The following HOXB2 variants were observed in gnomAD, a reference collection of about 807,000 sequenced individuals.
The protein encoded by HOXB2 is homeobox B2.
Under a neutral mutation model 13.1 loss-of-function variants are expected in HOXB2, and 14 were observed. The ratio of observed to expected loss-of-function variants is 1.07; its 90% CI spans 0.71 to 1.67. The LOEUF is 1.67. Among genes scored for constraint, HOXB2 ranks in the 40% most tolerant of loss-of-function variants. HOXB2 has a pLI of 0.00. For missense variants in HOXB2, 582 were observed against 488.3 expected, an observed-to-expected ratio of 1.19 and a Z score of -1.81; for synonymous variants, 261 against 233.1, an observed-to-expected ratio of 1.12 and a Z score of -1.09.
Position 48,543,062 on chromosome 17 carries a change from A to C in HOXB2, c.*6T>G. 1 of 1,573,822 alleles carries C rather than the reference A, an allele frequency of 6.4e-7. No individual in the cohort carries two copies. The highest frequency in any genetic ancestry group is 8.6e-7 in the Non-Finnish European group (1 of 1,160,914). On this transcript the variant is annotated 3_prime_UTR_variant, in exon 2 of 2. Transcript: ENST00000330070. ...GGGGTCGAAAGGACCGGGAGGAGGA[A>C]ACAGGTTAGGGAAACTGCAGGTCGA...
At position 48,543,545 on chromosome 17, in the gene HOXB2, G is replaced by A; in HGVS notation, c.594C>T (p.His198=). The change falls in exon 2 of 2, where the codon CAC becomes CAT. Residue 198 remains histidine (H), a synonymous_variant. Transcript: ENST00000330070. ...GCTCTCGGTGCTGCGTCTGCCGCTT[G>A]TGCTTCATGCGCCGGTTCTGAAACC... ...KVWFQNRRMK[H]KRQTQHREPP... is the part of the protein sequence containing the mutation. 6.2e-7 allele frequency: 1 copy of A among 1,613,080 alleles called. No individual in the cohort carries two copies. Among genetic ancestry groups the A allele is most frequent in the Non-Finnish European group, 8.5e-7 (1 of 1,179,976 alleles).
Position 48,543,102 on chromosome 17 carries a change from C to G in HOXB2, c.1037G>C (p.Ser346Thr). 6.2e-7 allele frequency: 1 copy of G among 1,612,544 alleles called. No individual in the cohort carries two copies. The highest frequency in any genetic ancestry group is 8.5e-7 in the Non-Finnish European group (1 of 1,179,564). Reference protein sequence around the residue: ...FSEEELDFFTSTLCAIDLQFP With the variant: ...FSEEELDFFTTTLCAIDLQFP ...CTGCAGGTCGATGGCACAGAGCGTA[C>G]TGGTGAAAAAATCCAGCTCTTCCTC... The change falls in exon 2 of 2, where the codon AGT becomes ACT. Residue 346 changes from serine to threonine, a missense_variant. Ser to Thr is a moderately conservative substitution (Grantham distance 58). Transcript: ENST00000330070.
chr17:48,544,340 A>C, intron 1 of HOXB2, 181 bp downstream of exon 1: 1 of 1,404,310 alleles, frequency 7.1e-7, no homozygotes, highest in Non-Finnish European at 9.2e-7. Flanking sequence ...ACAGAAAAAA[A>C]AAAAGACGCT....
Position 48,544,940 on chromosome 17 carries a change from T to TGGGGGGGGGGGGGGCGGCG in HOXB2, c.-30_-29insCGCCGCCCCCCCCCCCCCC. The stretch of plus-strand genomic sequence containing the variant: ...TTTCAATGGTGGGGGAGGGGGCTGC[T>TGGGGGGGGGGGGGGCGGCG]GGGGGGGGCGTCAGGAGGGAGGATC... On this transcript the variant is annotated 5_prime_UTR_variant, in exon 1 of 2. Transcript: ENST00000330070. 1 of 271,666 alleles carries TGGGGGGGGGGGGGGCGGCG rather than the reference T, an allele frequency of 3.7e-6. No individual in the cohort carries two copies. Among genetic ancestry groups the TGGGGGGGGGGGGGGCGGCG allele is most frequent in the Non-Finnish European group, 5.9e-6 (1 of 170,468 alleles). 16.8% of individuals were successfully genotyped at this position (271,666 alleles called of 1,614,324 possible). A position where few individuals can be genotyped will look rare whatever the true frequency, so the allele number is the denominator to read the frequency against.
chr17:48,544,650 C>T lies in HOXB2; in HGVS notation c.262G>A (p.Ala88Thr). The T allele has an allele frequency of 6.2e-7, 1 of 1,611,358 alleles. No individual in the cohort carries two copies. The highest frequency in any genetic ancestry group is 8.5e-7 in the Non-Finnish European group (1 of 1,179,264). ...GGGAACTCGGGGGCCGGGGGGGCAG[C>T]GGGGAGTGGCGGCGGCGGTGGCGGC... is the stretch of plus-strand genomic sequence containing the variant. The part of the protein sequence containing the change: ...LPPPPPPPLP[A>T]APPAPEFPWM... The change falls in exon 1 of 2, where the codon GCT (alanine) becomes ACT (threonine). Residue 88 changes from alanine to threonine, a missense_variant. Physicochemically the swap from Ala to Thr is moderately conservative, Grantham distance 58. Coordinates refer to ENST00000330070, the MANE Select transcript of HOXB2 (RefSeq NM_002145.4).
intron 1 of HOXB2, chr17:48,544,010 C>T: frequency 1.6e-6 from 2 of 1,268,636 alleles, no homozygotes; most frequent in Non-Finnish European, 9.9e-7. Context: ...CCTTCGGCGC[C>T]GGAACCTCAG....
Position 48,544,977 on chromosome 17 carries a change from C to CG in HOXB2, c.-67_-66insC, listed in dbSNP as rs979267693. The CG allele has an allele frequency of 2.4e-6, 3 of 1,254,842 alleles. No homozygotes were observed. In the African/African-American group the frequency reaches 4.6e-5, roughly 19 times the overall value. The allele number at this position is 1,254,842 out of a possible 1,614,324, so 77.7% of individuals were successfully genotyped here. On this transcript the variant is annotated 5_prime_UTR_variant, in exon 1 of 2. Transcript: ENST00000330070. ...CAGGAGGGAGGATCGGAAGGGACCC[C>CG]CCTCCTGCACCCCCCCCGATTTATG...
Position 48,544,949 on chromosome 17 carries a change from C to A in HOXB2, c.-38G>T. 7.6e-7 allele frequency: 1 copy of A among 1,316,516 alleles called. No individual in the cohort carries two copies. Among genetic ancestry groups the A allele is most frequent in the Non-Finnish European group, 1.0e-6 (1 of 991,842 alleles). The allele number at this position is 1,316,516 out of a possible 1,614,324, so 81.6% of individuals were successfully genotyped here. A position where few individuals can be genotyped will look rare whatever the true frequency, so the allele number is the denominator to read the frequency against. ...TGGGGGAGGGGGCTGCTGGGGGGGG[C>A]GTCAGGAGGGAGGATCGGAAGGGAC... On this transcript the variant is annotated 5_prime_UTR_variant, in exon 1 of 2. Transcript: ENST00000330070.
In HOXB2 at chr17:48,543,455, G is replaced by A. The variant is rs1296746386; in HGVS notation, c.684C>T (p.Pro228=). 1 of 1,605,944 alleles carries A rather than the reference G, an allele frequency of 6.2e-7. No individual in the cohort carries two copies. Among genetic ancestry groups the A allele is most frequent in the Non-Finnish European group, 8.5e-7 (1 of 1,177,442 alleles). Residue 228 remains proline (P), a synonymous_variant, in exon 2 of 2, where the codon CCC becomes CCT. Transcript: ENST00000330070. ...CGGAGGGGCCGCCCGGGCTGGCCGCGGGTTCCTCGGCAGGGTCGCAGATGT... is the reference window on the plus strand; with the variant it reads ...CGGAGGGGCCGCCCGGGCTGGCCGCAGGTTCCTCGGCAGGGTCGCAGATGT... ...LEDICDPAEE[P]AASPGGPSAS...
At position 48,542,857 on chromosome 17, in the gene HOXB2, A is replaced by C; in HGVS notation, c.*211T>G. The C allele has an allele frequency of 7.3e-6, 3 of 412,210 alleles. No individual in the cohort carries two copies. The highest frequency in any genetic ancestry group is 1.3e-5 in the Non-Finnish European group (3 of 234,702). The allele number at this position is 412,210 out of a possible 1,614,324, so 25.5% of individuals were successfully genotyped here. The stretch of plus-strand genomic sequence containing the variant: ...GAGATTTCATTGGAAGGAGTCTACC[A>C]AACGGAATTTTTCTGTGTGAATTTT... On this transcript the variant is annotated 3_prime_UTR_variant, in exon 2 of 2. Coordinates refer to ENST00000330070, the MANE Select transcript of HOXB2 (RefSeq NM_002145.4).
Position 48,544,891 on chromosome 17 carries a change from CCT to C in HOXB2, c.19_20del (p.Arg7GlyfsTer158), listed in dbSNP as rs779540329. The C allele has an allele frequency of 1.2e-6, 2 of 1,606,198 alleles. No homozygotes were observed. The highest frequency in any genetic ancestry group is 4.5e-5 in the East Asian group (2 of 44,186). MNFEFEREIGFINSQPS... is the reference protein window; with the variant it reads MNFEFEXEIGFINSQPS... ...GCTGGCTGTTTATAAACCCAATCTC[CCT>C]CTCAAATTCAAAATTCATGGCTTTC... On this transcript the variant is annotated frameshift_variant, in exon 1 of 2. Transcript: ENST00000330070. LOFTEE classifies it high-confidence loss of function.
chr17:48,543,852 G>GCCGGGGGGGCGGGGGCC, intron 1 of HOXB2, 105 bp from the exon 2 acceptor site: 1 of 1,314,126 alleles, frequency 7.6e-7, no homozygotes, highest in Non-Finnish European at 1.0e-6. Flanking sequence ...CCCCTTCCTC[G>GCCGGGGGGGCGGGGGCC]CCACCCCACC....
At position 48,543,372 on chromosome 17, in the gene HOXB2, A is replaced by T; in HGVS notation, c.767T>A (p.Leu256Ter). ...GGCTAAAGGCCGGGGGTCCGCGCTT[A>T]AGGCCCCCGGCACCACCTCCGGCGG... ...CHPPEVVPGA[L>*]SADPRPLAVR... The change falls in exon 2 of 2, where the codon TTA becomes TAA. Residue 256 changes from leucine (L) to a stop codon, truncating the protein, a stop_gained. Transcript: ENST00000330070. LOFTEE classifies it low-confidence loss of function (END_TRUNC). 6.3e-7 allele frequency: 1 copy of T among 1,589,772 alleles called. No individual in the cohort carries two copies. Among genetic ancestry groups the T allele is most frequent in the Non-Finnish European group, 8.5e-7 (1 of 1,171,778 alleles).
rs768116243 is a variant in HOXB2 at position 48,542,894 on chromosome 17, G to A, written c.*174C>T. The A allele has an allele frequency of 1.8e-5, 8 of 448,458 alleles. No homozygotes were observed. Among genetic ancestry groups the A allele is most frequent in the East Asian group, 3.5e-5 (1 of 28,812 alleles). 27.8% of individuals were successfully genotyped at this position (448,458 alleles called of 1,614,324 possible). Reference sequence around the variant, plus strand: ...TCTGTGTGAATTTTAAAAGATAACCGAGTGCCCAATATTTTAGAAGAAGAA... The same window carrying A: ...TCTGTGTGAATTTTAAAAGATAACCAAGTGCCCAATATTTTAGAAGAAGAA... On this transcript the variant is annotated 3_prime_UTR_variant, in exon 2 of 2. Coordinates refer to ENST00000330070, the MANE Select transcript of HOXB2 (RefSeq NM_002145.4).
chr17:48,543,407 G>C lies in HOXB2; in HGVS notation c.732C>G (p.Ala244=), dbSNP rs759192688. The change falls in exon 2 of 2, where the codon GCC becomes GCG. Residue 244 remains alanine, a synonymous_variant. Coordinates refer to ENST00000330070, the MANE Select transcript of HOXB2 (RefSeq NM_002145.4). ...GCACCACCTCCGGCGGGTGACAGCAGGCTTCCCACGCCGCCCGCGAGGCGG... is the reference window on the plus strand; with the variant it reads ...GCACCACCTCCGGCGGGTGACAGCACGCTTCCCACGCCGCCCGCGAGGCGG... ...GPSASRAAWE[A]CCHPPEVVPG... The C allele has an allele frequency of 6.3e-7, 1 of 1,583,600 alleles. No homozygotes were observed. The highest frequency in any genetic ancestry group is 8.6e-7 in the Non-Finnish European group (1 of 1,168,134).
At position 48,543,383 on chromosome 17, in the gene HOXB2, C is replaced by T; in HGVS notation, c.756G>A (p.Val252=). The part of the protein sequence containing the change: ...WEACCHPPEV[V]PGALSADPRP... ...GGGGGTCCGCGCTTAAGGCCCCCGG[C>T]ACCACCTCCGGCGGGTGACAGCAGG... is the stretch of plus-strand genomic sequence containing the variant. The change falls in exon 2 of 2, where the codon GTG becomes GTA. Residue 252 remains valine (V), a synonymous_variant. Transcript: ENST00000330070. 6.3e-7 allele frequency: 1 copy of T among 1,586,892 alleles called. No individual in the cohort carries two copies. Among genetic ancestry groups the T allele is most frequent in the Non-Finnish European group, 8.5e-7 (1 of 1,170,106 alleles).
rs1451989993 is a variant in HOXB2 at position 48,542,666 on chromosome 17, T to A, written c.*402A>T. On this transcript the variant is annotated 3_prime_UTR_variant, in exon 2 of 2. Coordinates refer to ENST00000330070, the MANE Select transcript of HOXB2 (RefSeq NM_002145.4). ...AACACAAACACTCGTTTTGGTATTA[T>A]AAAGACATTTATTTAATCTATGAAA... The A allele has an allele frequency of 6.5e-6, 1 of 154,398 alleles. No individual in the cohort carries two copies. The highest frequency in any genetic ancestry group is 1.4e-5 in the Non-Finnish European group (1 of 69,332). 9.6% of individuals were successfully genotyped at this position (154,398 alleles called of 1,614,324 possible).
chr17:48,544,787 A>C lies in HOXB2; in HGVS notation c.125T>G (p.Leu42Ter). ...FQTSSIKEST[L>*]IPPPPPFEQT... The stretch of plus-strand genomic sequence containing the variant: ...CTCGAAAGGAGGAGGAGGAGGAATT[A>C]ATGTCGACTCCTTGATTGATGAAGT... The change falls in exon 1 of 2, where the codon TTA becomes TGA. Residue 42 changes from leucine to a stop codon, truncating the protein, a stop_gained. Coordinates refer to ENST00000330070, the MANE Select transcript of HOXB2 (RefSeq NM_002145.4). LOFTEE classifies it high-confidence loss of function. 1 of 1,614,090 alleles carries C rather than the reference A, an allele frequency of 6.2e-7. No individual in the cohort carries two copies. The highest frequency in any genetic ancestry group is 2.2e-5 in the East Asian group (1 of 44,880).
In HOXB2 at chr17:48,544,803, TTGA is replaced by T. The variant is rs755727517; in HGVS notation, c.106_108del (p.Ser36del). 6 of 1,613,854 alleles carry T rather than the reference TTGA, an allele frequency of 3.7e-6. No homozygotes were observed. Among genetic ancestry groups the T allele is most frequent in the Non-Finnish European group, 4.2e-6 (5 of 1,179,992 alleles). On this transcript the variant is annotated inframe_deletion, in exon 1 of 2. Coordinates refer to ENST00000330070, the MANE Select transcript of HOXB2 (RefSeq NM_002145.4). ...GGAGGAATTAATGTCGACTCCTTGATTGATGAAGTTTGAAATGTCTCCAAGACA... is the reference window on the plus strand; with the variant it reads ...GGAGGAATTAATGTCGACTCCTTGATTGAAGTTTGAAATGTCTCCAAGACA...
Sources: gnomAD v4.1 joint callset for allele counts on GRCh38, gnomAD v4.1.1 for gene constraint, MANE v1.5 for transcripts, NCBI Gene and HGNC (gene_info 2026-07-23, HGNC 2026-07-21) for gene names.